CCDC60: variants seen among roughly 807,000 people sequenced by gnomAD.
The protein encoded by CCDC60 is coiled-coil domain-containing protein 60.
CCDC60 carries 54 observed loss-of-function variants against 63.5 expected under a neutral mutation model. That is an observed-to-expected ratio of 0.85 (90% CI 0.68 to 1.07). CCDC60 has a LOEUF of 1.07. CCDC60 is among the 50% of genes least tolerant of loss of function. CCDC60 has a pLI of 0.00. For missense variants in CCDC60, 651 were observed against 684.3 expected (o/e 0.95, Z 0.54); for synonymous variants, 206 against 238.8 (o/e 0.86, Z 1.27).
intron 1 of CCDC60, among the ~76,000 whole-genome samples, chr12:119,403,967 C>T (rs1000669269): frequency 7.9e-5 from 12 of 152,172 alleles, no homozygotes; most frequent in South Asian, 4.1e-4. Flanking sequence ...CTAATCATTC[C>T]TCATCCTTTA....
chr12:119,425,528 A>G (rs1520761), intron 1 of CCDC60, among the ~76,000 whole-genome samples: 13 of 152,350 alleles, frequency 8.5e-5, no homozygotes, highest in African/African-American at 2.6e-4. Flanking sequence ...TTAAGCTGTT[A>G]TAAATAATAA....
intron 4 of CCDC60, among the ~76,000 whole-genome samples, chr12:119,480,235 G>A (rs1412779026): frequency 6.6e-6 from 1 of 152,110 alleles, no homozygotes; most frequent in Non-Finnish European, 1.5e-5. Context: ...CTGTTGTGTA[G>A]GTGTATCATT....
chr12:119,532,430 T>TATTATTATTATTATTATTATC (rs965773804), intron 13 of CCDC60, among the ~76,000 whole-genome samples: 4 of 147,658 alleles, frequency 2.7e-5, no homozygotes, highest in African/African-American at 1.0e-4. Context: ...TTATTATTAT[T>TATTATTATTATTATTATTATC]ATCATTATAC....
chr12:119,491,065 C>T (rs908968302), intron 5 of CCDC60, among the ~76,000 whole-genome samples: 4 of 152,130 alleles, frequency 2.6e-5, no homozygotes. Context: ...TAAACATAAA[C>T]AGTCACATTT....
intron 1 of CCDC60, among the ~76,000 whole-genome samples, chr12:119,426,363 T>G (rs1956901102): frequency 6.6e-6 from 1 of 151,152 alleles, no homozygotes; most frequent in Non-Finnish European, 1.5e-5. Context: ...TTTTGTTTTG[T>G]TTTGTTTTTT....
intron 1 of CCDC60, among the ~76,000 whole-genome samples, chr12:119,400,061 T>C (rs891471894): frequency 4.0e-5 from 6 of 149,960 alleles, no homozygotes; most frequent in African/African-American, 1.5e-4. Context: ...TTTTTTTTTT[T>C]TTTTTTGAGA....
intron 1 of CCDC60, among the ~76,000 whole-genome samples, chr12:119,360,250 C>G (rs1166463725): frequency 6.7e-5 from 10 of 149,624 alleles, no homozygotes; most frequent in African/African-American, 2.5e-4. Flanking sequence ...CGGGCAGAGG[C>G]GCCCCTCACC....
chr12:119,491,868 A>T (rs1190275501), intron 5 of CCDC60, among the ~76,000 whole-genome samples: 4 of 152,182 alleles, frequency 2.6e-5, no homozygotes, highest in African/African-American at 7.2e-5. Flanking sequence ...TGAGAAAAGA[A>T]CATCATGTGG....
At chr12:119,371,097 A>G (rs186589035) in intron 1 of CCDC60, among the ~76,000 whole-genome samples, 1 of 152,280 alleles carries the variant, frequency 6.6e-6, no homozygotes, top group Admixed American at 6.5e-5. Context: ...CTAATGCCTC[A>G]GCGATTGGAT....
intron 1 of CCDC60, among the ~76,000 whole-genome samples, chr12:119,383,735 C>T (rs1385975209): frequency 1.3e-5 from 2 of 152,190 alleles, no homozygotes; most frequent in African/African-American, 4.8e-5. Context: ...GCTGAATGAA[C>T]CTGTTTCTTT....
At chr12:119,345,672 C>T (rs2136147459) in intron 1 of CCDC60, among the ~76,000 whole-genome samples, 1 of 152,212 alleles carries the variant, frequency 6.6e-6, no homozygotes, top group East Asian at 1.9e-4. Context: ...CAGCCAAATC[C>T]TTATGGTTTT....
At chr12:119,516,866 G>A (rs971600586) in intron 8 of CCDC60, among the ~76,000 whole-genome samples, 159 bp downstream of exon 8, 2 of 152,180 alleles carry the variant, frequency 1.3e-5, no homozygotes, top group Admixed American at 6.5e-5. Context: ...ATCCTACAAG[G>A]TAGGTACTAT....
At chr12:119,466,476 C>T (rs532785519) in intron 2 of CCDC60, among the ~76,000 whole-genome samples, 2 of 152,262 alleles carry the variant, frequency 1.3e-5, no homozygotes, top group Admixed American at 6.5e-5. Context: ...GGGATTAATC[C>T]GTGTAATAAA....
At chr12:119,423,811 A>G (rs540063562) in intron 1 of CCDC60, among the ~76,000 whole-genome samples, 75 of 152,294 alleles carry the variant, frequency 4.9e-4, no homozygotes, top group Admixed American at 1.2e-3. Flanking sequence ...ACTACCTGTC[A>G]TGAGTTCTGA....
intron 5 of CCDC60, among the ~76,000 whole-genome samples, chr12:119,490,033 T>A (rs891637514): frequency 2.0e-5 from 3 of 152,206 alleles, no homozygotes; most frequent in African/African-American, 7.2e-5. Context: ...CTTGACCTCA[T>A]GATCCGCCTG....
At chr12:119,455,687 C>T (rs1469261344) in intron 2 of CCDC60, among the ~76,000 whole-genome samples, 1 of 151,014 alleles carries the variant, frequency 6.6e-6, no homozygotes, top group Non-Finnish European at 1.5e-5. Context: ...ATGATGGCAC[C>T]ACTGCACTCC....
intron 1 of CCDC60, among the ~76,000 whole-genome samples, chr12:119,391,555 C>T (rs1035988574): frequency 3.3e-5 from 5 of 152,178 alleles, no homozygotes; most frequent in Non-Finnish European, 7.3e-5. Flanking sequence ...ACAATGACAG[C>T]AATAATAACC....
At chr12:119,514,074 C>A (rs1952285785) in intron 7 of CCDC60, among the ~76,000 whole-genome samples, 1 of 152,126 alleles carries the variant, frequency 6.6e-6, no homozygotes, top group Admixed American at 6.6e-5. Context: ...GAAGACCTTA[C>A]AGGGGACAAG....
intron 1 of CCDC60, among the ~76,000 whole-genome samples, chr12:119,390,213 T>A (rs1479601159): frequency 6.6e-6 from 1 of 152,106 alleles, no homozygotes; most frequent in Non-Finnish European, 1.5e-5. Context: ...GCCCAGAACA[T>A]TCCCTTAATA....
Sources: gnomAD v4.1 joint callset for allele counts (sites outside exome capture counted in the v4.1 genomes callset) on GRCh38, gnomAD v4.1.1 for gene constraint, MANE v1.5 for transcripts, NCBI Gene and HGNC (gene_info 2026-07-23, HGNC 2026-07-21) for gene names.